NUDT1: variants seen among roughly 807,000 people sequenced by gnomAD.
NUDT1 encodes the protein nudix hydrolase 1.
In NUDT1, 16 loss-of-function variants were observed where a neutral mutation model predicts 11.3. The observed-to-expected ratio is 1.41, with a 90% CI of 0.96 to 2.15. The LOEUF (loss-of-function observed/expected upper bound fraction) is 2.15, where lower values mean the gene tolerates loss of function less well. NUDT1 is among the 30% of genes most tolerant of loss of function. The pLI is 0.00. For missense variants in NUDT1, 234 were observed against 208.4 expected (o/e 1.12, Z -0.76); for synonymous variants, 101 against 84.4 (o/e 1.20, Z -1.08).
chr7:2,242,854 G>C (rs1794603630), intron 1 of NUDT1: 1 of 683,590 alleles, frequency 1.5e-6, no homozygotes, highest in Admixed American at 2.0e-5. Context: ...TAGCCTTGTA[G>C]GTGGCTTGTG....
Position 2,250,016 on chromosome 7 carries a change from G to A in NUDT1, c.298+14G>A, listed in dbSNP as rs781331574. ...TGGAGAGCGACGGTGAGTCTCACAG[G>A]GCCTGCTCCCCCTCCCCACTATGCG... is the stretch of plus-strand genomic sequence containing the variant. On this transcript the variant is annotated intron_variant, in intron 3 of 3. Transcript: ENST00000356714. 6.2e-7 allele frequency: 1 copy of A among 1,613,198 alleles called. No homozygotes were observed. Among genetic ancestry groups the A allele is most frequent in the Non-Finnish European group, 8.5e-7 (1 of 1,179,794 alleles).
intron 1 of NUDT1, chr7:2,242,590 A>C: frequency 3.0e-6 from 1 of 328,394 alleles, no homozygotes; most frequent in Non-Finnish European, 5.6e-6. Context: ...TAAGCCACAA[A>C]CCCATTTACC....
intron 2 of NUDT1, among the ~76,000 whole-genome samples, chr7:2,245,574 G>C (rs962020449): frequency 6.6e-5 from 10 of 152,130 alleles, no homozygotes; most frequent in African/African-American, 2.4e-4. Flanking sequence ...CTACTTTTCC[G>C]ATTCATTTCT....
chr7:2,251,145 GGT>G, downstream of NUDT1: 5 of 651,746 alleles, frequency 7.7e-6, no homozygotes, highest in Non-Finnish European at 1.0e-5. Context: ...ATCTAGCGGT[GGT>G]TTTTTTTTTT....
chr7:2,248,007 G>A (rs1292827303), intron 2 of NUDT1: 1 of 152,180 alleles, frequency 6.6e-6, no homozygotes, highest in Non-Finnish European at 1.5e-5. Context: ...GCTGATTCCA[G>A]GTCCGTTTCC....
intron 1 of NUDT1, chr7:2,242,666 C>T: frequency 5.2e-6 from 2 of 382,656 alleles, no homozygotes; most frequent in Non-Finnish European, 4.8e-6. Flanking sequence ...CCTTGTCCTC[C>T]TCGAAGGGCG....
At chr7:2,246,161 T>G (rs1030859977) in intron 2 of NUDT1, among the ~76,000 whole-genome samples, 2 of 152,216 alleles carry the variant, frequency 1.3e-5, no homozygotes, top group African/African-American at 4.8e-5. Context: ...GTCTTTGATC[T>G]GCTAAGACTG....
chr7:2,242,680 G>A, intron 1 of NUDT1: 1 of 396,584 alleles, frequency 2.5e-6, no homozygotes. Flanking sequence ...AAGGGCGTGC[G>A]ATGAGGATGT....
chr7:2,245,877 C>G (rs59526924), intron 2 of NUDT1, among the ~76,000 whole-genome samples: 1 of 152,000 alleles, frequency 6.6e-6, no homozygotes, highest in Non-Finnish European at 1.5e-5. Context: ...GCCGATTTCC[C>G]GGGGTACATG....
chr7:2,248,239 G>C, intron 2 of NUDT1: 1 of 152,286 alleles, frequency 6.6e-6, no homozygotes, highest in East Asian at 1.9e-4. Context: ...AAGAGGAGGA[G>C]ACTGAGGTGC....
chr7:2,244,340 G>A, intron 1 of NUDT1: 1 of 478,256 alleles, frequency 2.1e-6, no homozygotes, highest in Non-Finnish European at 3.7e-6. Context: ...TGCTTGATCA[G>A]CCCTGCTGAC....
Position 2,242,244 on chromosome 7 carries a change from AGCG to A in NUDT1, c.-20_-18del. On this transcript the variant is annotated 5_prime_UTR_variant, in exon 1 of 4. Coordinates refer to ENST00000356714, the MANE Select transcript of NUDT1 (RefSeq NM_002452.4). ...TCCGGTCAGAGGCCACGCCCCCGGA[AGCG>A]GCGGTGCAGGTACGAAAAGCGCGCG... 6.9e-7 allele frequency: 1 copy of A among 1,455,454 alleles called. No individual in the cohort carries two copies. Among genetic ancestry groups the A allele is most frequent in the South Asian group, 1.3e-5 (1 of 78,856 alleles). The allele number at this position is 1,455,454 out of a possible 1,614,324, so 90.2% of individuals were successfully genotyped here.
At chr7:2,248,319 G>A (rs1794849035) in intron 2 of NUDT1, 1 of 152,234 alleles carries the variant, frequency 6.6e-6, no homozygotes, top group African/African-American at 2.4e-5. Context: ...TCTGCTGAGG[G>A]ACTGAGCAAG....
At chr7:2,245,827 T>C (rs1229408076) in intron 2 of NUDT1, among the ~76,000 whole-genome samples, 1 of 149,292 alleles carries the variant, frequency 6.7e-6, no homozygotes, top group African/African-American at 2.5e-5. Context: ...TGTGGGCCAC[T>C]GGCTTGACCC....
In NUDT1 at chr7:2,250,384, G is replaced by A. The variant is rs570296906; in HGVS notation, c.298+382G>A. 1.2e-4 allele frequency among the ~76,000 whole-genome samples: 19 copies of A among 152,284 alleles called. 1 individual carries two copies. In the South Asian group the frequency reaches 3.9e-3, roughly 32 times the overall value. ...GGGAGGCCGAGGCAGGAGGATCGTTGAGCCCAGGAGTTCAAGACCAGTCTG... is the reference window on the plus strand; with the variant it reads ...GGGAGGCCGAGGCAGGAGGATCGTTAAGCCCAGGAGTTCAAGACCAGTCTG... On this transcript the variant is annotated intron_variant, in intron 3 of 3. Transcript: ENST00000356714.
rs547064767 is a variant in NUDT1, at chr7:2,249,936, C to G, written c.232C>G (p.Pro78Ala). The G allele has an allele frequency of 8.1e-6, 13 of 1,614,206 alleles. No homozygotes were observed. In the African/African-American group the frequency reaches 1.7e-4, roughly 22 times the overall value. ...GQIVFEFVGEPELMDVHVFCT... is the reference protein window; with the variant it reads ...GQIVFEFVGEAELMDVHVFCT... The stretch of plus-strand genomic sequence containing the variant: ...GATCGTGTTTGAGTTCGTGGGCGAG[C>G]CTGAGCTCATGGACGTGCATGTCTT... Residue 78 changes from proline (P) to alanine (A), a missense_variant, in exon 3 of 4, where the codon CCT becomes GCT. By Grantham distance (27) the Pro-to-Ala change is conservative. Transcript: ENST00000356714.
chr7:2,247,848 A>G (rs182647440), intron 2 of NUDT1, among the ~76,000 whole-genome samples: 1 of 152,356 alleles, frequency 6.6e-6, no homozygotes. Flanking sequence ...GCTTTTTAAG[A>G]CGAGCAACAG....
rs540982572 is a variant in NUDT1, at chr7:2,250,619, G to A, written c.299-210G>A. 7.4e-3 allele frequency among the ~76,000 whole-genome samples: 1,080 copies of A among 146,244 alleles called. 6 individuals carry two copies. The highest frequency in any genetic ancestry group is 0.013 in the Admixed American group (184 of 14,216). The stretch of plus-strand genomic sequence containing the variant: ...ACTACAGGCGCCCGCCACCACGCCC[G>A]GCTAATTTTTTTGTATTTTTAGTAG... On this transcript the variant is annotated intron_variant, in intron 3 of 3. Transcript: ENST00000356714.
In NUDT1 at chr7:2,247,546, C is replaced by G. The variant is rs572114011; in HGVS notation, c.153-2311C>G. 6.1e-4 allele frequency among the ~76,000 whole-genome samples: 93 copies of G among 152,334 alleles called. 1 individual carries two copies. The highest frequency in any genetic ancestry group is 1.3e-4 in the Non-Finnish European group (9 of 68,026). Reference sequence around the variant, plus strand: ...CAGGAGCAGCGATGGGAAGCAGGCCCGCCGGAACCTCCGACTCCCACCTCC... The same window carrying G: ...CAGGAGCAGCGATGGGAAGCAGGCCGGCCGGAACCTCCGACTCCCACCTCC... On this transcript the variant is annotated intron_variant, in intron 2 of 3. Transcript: ENST00000356714.
Sources: allele counts gnomAD v4.1 joint callset (sites outside exome capture counted in the v4.1 genomes callset), GRCh38; gene constraint gnomAD v4.1.1; transcripts MANE v1.5; gene names NCBI Gene and HGNC (gene_info 2026-07-23, HGNC 2026-07-21).